Variants in MAP3K14 observed in about 807,000 individuals in gnomAD.
MAP3K14 encodes NF-kappa-beta-inducing kinase.
A neutral mutation model predicts 99.2 loss-of-function variants in MAP3K14; 16 were observed. The observed-to-expected ratio is 0.16, with a 90% CI of 0.11 to 0.24. MAP3K14 has a LOEUF of 0.24. MAP3K14 is among the 10% of genes least tolerant of loss of function. The probability of loss-of-function intolerance (pLI) is 1.00; values close to 1 mark genes in which losing one functional copy is unlikely to be tolerated. For missense variants in MAP3K14, 784 were observed against 1,208.7 expected, an observed-to-expected ratio of 0.65 and a Z score of 5.21; for synonymous variants, 462 against 492.4, an observed-to-expected ratio of 0.94 and a Z score of 0.82.
chr17:45,269,908 C>T (rs1028327480), intron 11 of MAP3K14, among the ~76,000 whole-genome samples: 1 of 152,178 alleles, frequency 6.6e-6, no homozygotes, highest in African/African-American at 2.4e-5. Flanking sequence ...TCATGGGGTC[C>T]CTGACTTATA....
chr17:45,313,745 A>G (rs2044504328), intron 1 of MAP3K14, among the ~76,000 whole-genome samples: 1 of 152,242 alleles, frequency 6.6e-6, no homozygotes. Flanking sequence ...ATTGATTGGT[A>G]CAATAAATAA....
chr17:45,270,740 G>A, intron 10 of MAP3K14, 177 bp from the exon 11 acceptor site: 1 of 980,448 alleles, frequency 1.0e-6, no homozygotes, highest in African/African-American at 1.6e-5. Flanking sequence ...GGGACAAATG[G>A]AGCCAGTAAA....
intron 6 of MAP3K14, among the ~76,000 whole-genome samples, chr17:45,282,690 G>A (rs4792842): frequency 0.52 from 79,556 of 151,956 alleles, 20,969 homozygotes; most frequent in Non-Finnish European, 0.54. Context: ...GCACTGCCAC[G>A]TGACACCTTA....
At position 45,272,215 on chromosome 17, in the gene MAP3K14, A is replaced by G. The variant is rs1419112044; in HGVS notation, c.1658-994T>C. On this transcript the variant is annotated intron_variant, in intron 9 of 15. Coordinates refer to ENST00000344686, the MANE Select transcript of MAP3K14 (RefSeq NM_003954.5). The surrounding 1 kb of genome is among the most constrained non-coding windows in gnomAD (Gnocchi z 4.1). ...GGTGGTACATGCTGTGGTCCCAGCT[A>G]CTCAGGAGGCTGAGGTGGGAGGATC... Among the ~76,000 whole-genome samples the G allele has an allele frequency of 6.6e-6, 1 of 152,082 alleles. No individual in the cohort carries two copies. The highest frequency in any genetic ancestry group is 2.4e-5 in the African/African-American group (1 of 41,408).
At chr17:45,285,237 A>G (rs906005355) in intron 5 of MAP3K14, among the ~76,000 whole-genome samples, 10 of 152,194 alleles carry the variant, frequency 6.6e-5, no homozygotes, top group Non-Finnish European at 1.0e-4. Context: ...AGAACTGCCA[A>G]TCACCTTGAC....
intron 1 of MAP3K14, among the ~76,000 whole-genome samples, chr17:45,307,610 C>G (rs1190582885): frequency 1.3e-5 from 2 of 152,130 alleles, no homozygotes; most frequent in South Asian, 4.1e-4. Context: ...CGGTCAATCT[C>G]GCTGAAATAC....
chr17:45,292,464 G>A (rs1015031046), intron 1 of MAP3K14, among the ~76,000 whole-genome samples: 3 of 152,154 alleles, frequency 2.0e-5, no homozygotes, highest in Non-Finnish European at 4.4e-5. Flanking sequence ...TAGAGGCTGC[G>A]GTGGGAGGAA....
At position 45,272,382 on chromosome 17, in the gene MAP3K14, A is replaced by G. The variant is rs2044148012; in HGVS notation, c.1657+1121T>C. On this transcript the variant is annotated intron_variant, in intron 9 of 15. Coordinates refer to ENST00000344686, the MANE Select transcript of MAP3K14 (RefSeq NM_003954.5). The surrounding 1 kb of genome is among the most constrained non-coding windows in gnomAD (Gnocchi z 4.1). ...GATACATTTTTTTTTGTAACAAGAA[A>G]AAGCCCACTACAGTTATTTTAAAAG... is the stretch of plus-strand genomic sequence containing the variant. 6.6e-6 allele frequency among the ~76,000 whole-genome samples: 1 copy of G among 152,128 alleles called. No individual in the cohort carries two copies.
intron 1 of MAP3K14, among the ~76,000 whole-genome samples, chr17:45,302,365 C>T (rs528594569): frequency 3.3e-5 from 5 of 152,144 alleles, no homozygotes; most frequent in African/African-American, 9.6e-5. Flanking sequence ...TGGAGTGCAA[C>T]GGTGCGATCT....
At chr17:45,289,367 AGAGACATTTTACAGAGATCCCC>A in intron 2 of MAP3K14, 62 bp from the exon 3 acceptor site, 1 of 1,375,396 alleles carries the variant, frequency 7.3e-7, no homozygotes, top group Non-Finnish European at 1.0e-6. Flanking sequence ...CACTTAGGGG[AGAGACATTTTACAGAGATCCCC>A]TCTGGCGCCT....
intron 1 of MAP3K14, among the ~76,000 whole-genome samples, chr17:45,298,439 T>C (rs1301784130): frequency 6.6e-6 from 1 of 152,182 alleles, no homozygotes; most frequent in Admixed American, 6.5e-5. Flanking sequence ...TCCAGCTAGA[T>C]GCTGACTAAA....
rs1395831339 is a variant in MAP3K14, at chr17:45,284,834, C to T, written c.1268G>A (p.Gly423Asp). 6.3e-7 allele frequency: 1 copy of T among 1,595,522 alleles called. No homozygotes were observed. Among genetic ancestry groups the T allele is most frequent in the Non-Finnish European group, 8.5e-7 (1 of 1,171,380 alleles). Residue 423 changes from glycine (G) to aspartate (D), a missense_variant, in exon 6 of 16, where the codon GGC becomes GAC. By Grantham distance (94) the Gly-to-Asp change is moderately conservative. This residue lies in a region of MAP3K14 where 200 missense variants were observed against 367.9 expected (regional missense o/e 0.54). Coordinates refer to ENST00000344686, the MANE Select transcript of MAP3K14 (RefSeq NM_003954.5). ...TACCTTTTTGACAGCGCACTGGAAG[C>T]CAGTCTGCTTGTCCTCCATCCTGTG... is the stretch of plus-strand genomic sequence containing the variant. The part of the protein sequence containing the change: ...EVHRMEDKQT[G>D]FQCAVKKVRL...
intron 1 of MAP3K14, among the ~76,000 whole-genome samples, chr17:45,301,721 T>C (rs761150739): frequency 1.1e-4 from 16 of 152,182 alleles, no homozygotes; most frequent in Non-Finnish European, 2.1e-4. Context: ...ACCTAGGACA[T>C]ATAGCAATGG....
intron 1 of MAP3K14, among the ~76,000 whole-genome samples, chr17:45,302,625 C>A (rs1460752130): frequency 6.6e-6 from 1 of 152,096 alleles, no homozygotes; most frequent in Non-Finnish European, 1.5e-5. Context: ...ACTTTTTAAT[C>A]ATGAAAACAA....
At chr17:45,283,111 T>C (rs1350907940) in intron 6 of MAP3K14, among the ~76,000 whole-genome samples, 2 of 152,198 alleles carry the variant, frequency 1.3e-5, no homozygotes, top group Admixed American at 1.3e-4. Flanking sequence ...TAGGGTTGTT[T>C]ACCTTGTTGC....
chr17:45,290,244 G>A (rs921570361), intron 2 of MAP3K14, among the ~76,000 whole-genome samples: 1 of 152,202 alleles, frequency 6.6e-6, no homozygotes, highest in Non-Finnish European at 1.5e-5. Flanking sequence ...CCGAGTGCTC[G>A]TCTGTTACCT....
intron 1 of MAP3K14, among the ~76,000 whole-genome samples, chr17:45,308,254 G>A (rs79039330): frequency 1.3e-5 from 2 of 152,116 alleles, no homozygotes; most frequent in African/African-American, 4.8e-5. Context: ...TTCAGGCACC[G>A]TGCTGGCCAG....
chr17:45,312,566 G>A (rs967711049), intron 1 of MAP3K14, among the ~76,000 whole-genome samples: 4 of 152,112 alleles, frequency 2.6e-5, no homozygotes, highest in Non-Finnish European at 5.9e-5. Flanking sequence ...TCCCTTGTGA[G>A]ATTAAAACAA....
intron 5 of MAP3K14, among the ~76,000 whole-genome samples, chr17:45,285,252 A>C (rs912820779): frequency 1.3e-5 from 2 of 152,222 alleles, no homozygotes; most frequent in African/African-American, 4.8e-5. Flanking sequence ...CTTGACAATG[A>C]AAAAACAAAA....
Sources: allele counts gnomAD v4.1 joint callset (sites outside exome capture counted in the v4.1 genomes callset), GRCh38; gene constraint gnomAD v4.1.1; regional missense constraint gnomAD v4.1.1; non-coding constraint Gnocchi (gnomAD v3.1); transcripts MANE v1.5; gene names NCBI Gene and HGNC (gene_info 2026-07-23, HGNC 2026-07-21).